Variants in SIL1 observed in about 807,000 individuals in gnomAD.
SIL1 encodes the protein nucleotide exchange factor SIL1.
In SIL1, 40 loss-of-function variants were observed where a neutral mutation model predicts 49.1. The observed-to-expected ratio is 0.81, with a 90% CI of 0.63 to 1.06. The LOEUF is 1.06. Ranked by LOEUF, SIL1 falls within the 50% of genes least tolerant of loss-of-function variation. SIL1 has a pLI of 0.00. For synonymous variants in SIL1, 253 were observed against 250.8 expected (o/e 1.01, Z -0.08); for missense variants, 500 against 572.6 (o/e 0.87, Z 1.29).
At chr5:138,993,618 C>A (rs531705627) in intron 7 of SIL1, among the ~76,000 whole-genome samples, 1 of 152,334 alleles carries the variant, frequency 6.6e-6, no homozygotes, top group African/African-American at 2.4e-5. Flanking sequence ...AACACTCTCC[C>A]TTGCTGGCTC....
chr5:139,043,634 C>T (rs1283113074), intron 4 of SIL1, among the ~76,000 whole-genome samples: 1 of 152,172 alleles, frequency 6.6e-6, no homozygotes, highest in Non-Finnish European at 1.5e-5. Flanking sequence ...GGAAAGGAAC[C>T]AATGTGGCTA....
intron 3 of SIL1, among the ~76,000 whole-genome samples, chr5:139,112,919 T>C (rs1042767994): frequency 8.5e-5 from 13 of 152,128 alleles, no homozygotes; most frequent in African/African-American, 3.1e-4. Context: ...TAGAAAGAAG[T>C]AGACATAGGA....
chr5:139,001,828 C>A (rs560797984), intron 7 of SIL1, among the ~76,000 whole-genome samples: 36 of 152,090 alleles, frequency 2.4e-4, no homozygotes, highest in African/African-American at 8.0e-4. Flanking sequence ...TGGTGTGAAC[C>A]CGGGAGGCAG....
chr5:139,095,255 T>A (rs573145461), intron 3 of SIL1, among the ~76,000 whole-genome samples: 9 of 151,336 alleles, frequency 5.9e-5, no homozygotes, highest in Admixed American at 1.3e-4. Flanking sequence ...ATATATATAT[T>A]ATTGGAATTC....
intron 2 of SIL1, among the ~76,000 whole-genome samples, chr5:139,123,758 A>G (rs1468291076): frequency 6.6e-6 from 1 of 152,196 alleles, no homozygotes; most frequent in Non-Finnish European, 1.5e-5. Flanking sequence ...TCTTGCCTTG[A>G]CTAAGGGAAG....
intron 7 of SIL1, chr5:139,013,724 A>G (rs1181139487): frequency 6.6e-6 from 1 of 152,248 alleles, no homozygotes; most frequent in Admixed American, 6.5e-5. Flanking sequence ...TTGAACTAAG[A>G]GAGTTTCTTG....
chr5:139,066,901 G>A (rs1204661964), intron 3 of SIL1, among the ~76,000 whole-genome samples: 3 of 152,044 alleles, frequency 2.0e-5, no homozygotes, highest in South Asian at 4.1e-4. Context: ...ACAGGGTTTC[G>A]CCATGTTGCC....
intron 7 of SIL1, among the ~76,000 whole-genome samples, chr5:139,013,263 G>T (rs747929990): frequency 2.8e-4 from 43 of 152,292 alleles, no homozygotes; most frequent in Middle Eastern, 3.4e-3. Context: ...GTGTTACACT[G>T]TTTTCAGAAG....
chr5:139,192,862 T>C (rs1581163015), intron 1 of SIL1, among the ~76,000 whole-genome samples: 1 of 150,952 alleles, frequency 6.6e-6, no homozygotes, highest in Non-Finnish European at 1.5e-5. Flanking sequence ...CCAGATGTGG[T>C]GGCACATGCC....
At chr5:139,088,848 C>G (rs1770282522) in intron 3 of SIL1, among the ~76,000 whole-genome samples, 1 of 152,206 alleles carries the variant, frequency 6.6e-6, no homozygotes, top group Non-Finnish European at 1.5e-5. Flanking sequence ...TTCAGAACTC[C>G]TCACTGGGAT....
intron 3 of SIL1, among the ~76,000 whole-genome samples, chr5:139,114,772 A>G (rs531865025): frequency 1.4e-4 from 22 of 152,202 alleles, no homozygotes; most frequent in Non-Finnish European, 2.5e-4. Context: ...AGAGATAGCA[A>G]CTTATGTCCA....
rs1766688993 is a variant in SIL1 at position 138,948,585 on chromosome 5, C to T, written c.1030-1112G>A. On this transcript the variant is annotated intron_variant, in intron 9 of 9. Coordinates refer to ENST00000394817, the MANE Select transcript of SIL1 (RefSeq NM_022464.5). This position sits in a 1 kb window ranked among gnomAD's most constrained non-coding sequence, Gnocchi z 4.8. The stretch of plus-strand genomic sequence containing the variant: ...CACACCCACTCCTGTCACTCTAACT[C>T]TCCCCTGGGGCCTCTGGAGGCGCAG... Among the ~76,000 whole-genome samples, 1 of 151,882 alleles carries T rather than the reference C, an allele frequency of 6.6e-6. No homozygotes were observed. The highest frequency in any genetic ancestry group is 2.4e-5 in the African/African-American group (1 of 41,308).
At chr5:139,097,288 GA>G (rs1770489049) in intron 3 of SIL1, among the ~76,000 whole-genome samples, 1 of 151,992 alleles carries the variant, frequency 6.6e-6, no homozygotes, top group Non-Finnish European at 1.5e-5. Flanking sequence ...TGGCTGCCCT[GA>G]AGGGAAGGAT....
chr5:139,170,280 G>A (rs560961809), intron 1 of SIL1, among the ~76,000 whole-genome samples: 8 of 152,220 alleles, frequency 5.3e-5, no homozygotes, highest in East Asian at 3.9e-4. Context: ...GCTTCTGCCC[G>A]GCCGCCACCC....
At chr5:139,015,222 T>G (rs1043137260) in intron 7 of SIL1, among the ~76,000 whole-genome samples, 1 of 152,160 alleles carries the variant, frequency 6.6e-6, no homozygotes, top group Non-Finnish European at 1.5e-5. Context: ...AGAATAAAGA[T>G]AGAAAAGAGA....
At chr5:139,032,793 G>A (rs1407048696) in intron 5 of SIL1, 1 of 152,084 alleles carries the variant, frequency 6.6e-6, no homozygotes, top group Non-Finnish European at 1.5e-5. Flanking sequence ...GATAATATGT[G>A]CTTATAAAAC....
intron 2 of SIL1, among the ~76,000 whole-genome samples, chr5:139,126,403 T>C (rs760396683): frequency 6.6e-6 from 1 of 152,218 alleles, no homozygotes; most frequent in Non-Finnish European, 1.5e-5. Flanking sequence ...TTCATCAGCA[T>C]GCCTTTGTTA....
chr5:138,947,265 C>A lies in SIL1; in HGVS notation c.1238G>T (p.Arg413Leu), dbSNP rs138448654. ...TGTCCTGCCGAGCTGGGGGTCCTGACGGTAGCGGTCCCGGCAGGTGGTCAG... is the reference window on the plus strand; with the variant it reads ...TGTCCTGCCGAGCTGGGGGTCCTGAAGGTAGCGGTCCCGGCAGGTGGTCAG... Reference protein sequence around the residue: ...VLLTTCRDRYRQDPQLGRTLA... With the variant: ...VLLTTCRDRYLQDPQLGRTLA... Residue 413 changes from arginine to leucine, a missense_variant, in exon 10 of 10, where the codon CGT (arginine) becomes CTT (leucine). Physicochemically the swap from Arg to Leu is moderately radical, Grantham distance 102. Transcript: ENST00000394817. This position sits in a 1 kb window ranked among gnomAD's most constrained non-coding sequence, Gnocchi z 4.1. The A allele has an allele frequency of 1.7e-5, 28 of 1,613,584 alleles. No individual in the cohort carries two copies. In the African/African-American group the frequency reaches 2.0e-4, roughly 12 times the overall value.
chr5:138,963,534 A>G (rs1767069671), intron 7 of SIL1, among the ~76,000 whole-genome samples: 1 of 152,220 alleles, frequency 6.6e-6, no homozygotes, highest in Admixed American at 6.5e-5. Flanking sequence ...GACAACACTG[A>G]AATACTTCGT....
Sources: gnomAD v4.1 joint callset for allele counts (sites outside exome capture counted in the v4.1 genomes callset) on GRCh38, gnomAD v4.1.1 for gene constraint, Gnocchi (gnomAD v3.1) non-coding constraint, MANE v1.5 for transcripts, NCBI Gene and HGNC (gene_info 2026-07-23, HGNC 2026-07-21) for gene names.